CCNJL: variants seen among roughly 807,000 people sequenced by gnomAD.
The protein encoded by CCNJL is cyclin J like, also known as cyclin-J-like protein.
A neutral mutation model predicts 33.4 loss-of-function variants in CCNJL; 33 were observed. That is an observed-to-expected ratio of 0.99 (90% CI 0.75 to 1.32). CCNJL has a LOEUF of 1.32. CCNJL is among the 40% of genes most tolerant of loss of function. The pLI is 0.00. For synonymous variants in CCNJL, 227 were observed against 220.9 expected (o/e 1.03, Z -0.24); for missense variants, 512 against 499.7 (o/e 1.02, Z -0.23).
chr5:160,253,424 T>C lies in CCNJL; in HGVS notation c.1118A>G (p.Tyr373Cys), dbSNP rs1580937189. ...HCLATTYGSS[Y>C]FSGSHMFPTG... ...GGGGAACATGTGGCTCCCACTGAAG[T>C]AGCTGCTTCCATAGGTGGTGGCGAG... Residue 373 changes from tyrosine (Y) to cysteine (C), a missense_variant, in exon 6 of 6, where the codon TAC becomes TGC. Coordinates refer to ENST00000257536, the MANE Select transcript of CCNJL (RefSeq NM_001308173.3). 6.2e-7 allele frequency: 1 copy of C among 1,605,394 alleles called. No individual in the cohort carries two copies. Among genetic ancestry groups the C allele is most frequent in the Non-Finnish European group, 8.5e-7 (1 of 1,174,448 alleles).
intron 2 of CCNJL, among the ~76,000 whole-genome samples, chr5:160,283,597 C>G (rs1257145077): frequency 6.6e-6 from 1 of 152,150 alleles, no homozygotes; most frequent in Admixed American, 6.5e-5. Context: ...GTATCCATCC[C>G]CGCAAGCATT....
At chr5:160,284,548 G>A (rs528183403) in intron 2 of CCNJL, among the ~76,000 whole-genome samples, 1 of 152,334 alleles carries the variant, frequency 6.6e-6, no homozygotes, top group Non-Finnish European at 1.5e-5. Context: ...TACTGCAAAA[G>A]AAAGCCACAG....
At chr5:160,301,359 C>A (rs543534886) in intron 2 of CCNJL, among the ~76,000 whole-genome samples, 1 of 152,006 alleles carries the variant, frequency 6.6e-6, no homozygotes, top group African/African-American at 2.4e-5. Context: ...GGACAAAAAG[C>A]ACATCAGTGA....
intron 1 of CCNJL, among the ~76,000 whole-genome samples, chr5:160,330,276 C>A (rs1277192065): frequency 6.6e-6 from 1 of 152,136 alleles, no homozygotes; most frequent in Non-Finnish European, 1.5e-5. Flanking sequence ...GGCTCCTCAC[C>A]AGACCAATAA....
intron 2 of CCNJL, among the ~76,000 whole-genome samples, chr5:160,309,695 C>T (rs374998179): frequency 6.6e-6 from 1 of 152,166 alleles, no homozygotes; most frequent in Admixed American, 6.5e-5. Context: ...TTTGAAGAAG[C>T]ATTTTCTTCT....
intron 3 of CCNJL, among the ~76,000 whole-genome samples, chr5:160,271,276 C>T (rs1270065984): frequency 6.6e-6 from 1 of 152,102 alleles, no homozygotes; most frequent in Non-Finnish European, 1.5e-5. Context: ...GGGTGGGCTG[C>T]TGCGATCAGG....
At chr5:160,303,692 C>CTG (rs1292597058) in intron 2 of CCNJL, among the ~76,000 whole-genome samples, 20 of 95,810 alleles carry the variant, frequency 2.1e-4, no homozygotes, top group Non-Finnish European at 2.7e-4. Context: ...AACAAATCCT[C>CTG]TGTGTGTCTG....
intron 2 of CCNJL, among the ~76,000 whole-genome samples, chr5:160,295,509 AAT>A (rs1188698810): frequency 2.0e-5 from 3 of 152,108 alleles, no homozygotes; most frequent in Admixed American, 6.6e-5. Flanking sequence ...TAAATAAGAA[AAT>A]AGAGTCTTTA....
intron 1 of CCNJL, among the ~76,000 whole-genome samples, chr5:160,323,234 C>CA (rs536222136): frequency 0.12 from 12,264 of 98,854 alleles, 587 homozygotes; most frequent in Middle Eastern, 0.2. Flanking sequence ...GACTCCAACT[C>CA]AAAAAAAAAA....
At chr5:160,254,044 G>A in intron 5 of CCNJL, 1 of 470,296 alleles carries the variant, frequency 2.1e-6, no homozygotes. Context: ...AGACTAGGCT[G>A]GCTGTCCCCA....
chr5:160,290,742 T>C (rs550611662), intron 2 of CCNJL, among the ~76,000 whole-genome samples: 3 of 152,206 alleles, frequency 2.0e-5, no homozygotes, highest in South Asian at 4.1e-4. Flanking sequence ...GTGACCCCAA[T>C]ACCTGATGCA....
intron 4 of CCNJL, among the ~76,000 whole-genome samples, chr5:160,257,121 T>C (rs372640005): frequency 3.2e-4 from 49 of 152,038 alleles, no homozygotes; most frequent in African/African-American, 1.1e-3. Context: ...TAGCTCTCAC[T>C]TGTAATCCCA....
At chr5:160,312,698 T>C (rs1233491672), upstream of CCNJL, 2 of 151,936 alleles carry the variant, frequency 1.3e-5, no homozygotes, top group African/African-American at 4.8e-5. Context: ...TGGCTCCGCT[T>C]CCTGCCCGCC....
chr5:160,298,936 T>A (rs1450076615), intron 2 of CCNJL, among the ~76,000 whole-genome samples: 1 of 152,094 alleles, frequency 6.6e-6, no homozygotes, highest in African/African-American at 2.4e-5. Flanking sequence ...AGGGGACCAT[T>A]GGAGAGTAAA....
chr5:160,278,913 G>T (rs991133907), intron 3 of CCNJL, among the ~76,000 whole-genome samples: 5 of 152,180 alleles, frequency 3.3e-5, no homozygotes, highest in Non-Finnish European at 5.9e-5. Flanking sequence ...GTTGATTTGG[G>T]GTGCTGAGAC....
intron 2 of CCNJL, among the ~76,000 whole-genome samples, chr5:160,288,786 G>A (rs542162280): frequency 1.4e-5 from 2 of 145,230 alleles, no homozygotes; most frequent in East Asian, 2.0e-4. Flanking sequence ...AATGGACATC[G>A]TGCCACTGCA....
intron 2 of CCNJL, among the ~76,000 whole-genome samples, chr5:160,307,773 G>A (rs1013706194): frequency 5.3e-5 from 8 of 152,248 alleles, no homozygotes; most frequent in African/African-American, 9.6e-5. Context: ...GGGGTCCTAG[G>A]TGGGCTTCTG....
At chr5:160,275,630 A>C (rs770801771) in intron 3 of CCNJL, among the ~76,000 whole-genome samples, 1 of 151,858 alleles carries the variant, frequency 6.6e-6, no homozygotes, top group Non-Finnish European at 1.5e-5. Context: ...GACTACAAGC[A>C]CGTGCCACCA....
At chr5:160,323,051 G>A (rs1474901957) in intron 1 of CCNJL, among the ~76,000 whole-genome samples, 1 of 152,030 alleles carries the variant, frequency 6.6e-6, no homozygotes, top group Non-Finnish European at 1.5e-5. Flanking sequence ...TGGCCAATAT[G>A]GTGAAACCCC....
Sources: gnomAD v4.1 joint callset for allele counts (sites outside exome capture counted in the v4.1 genomes callset) on GRCh38, gnomAD v4.1.1 for gene constraint, MANE v1.5 for transcripts, NCBI Gene and HGNC (gene_info 2026-07-23, HGNC 2026-07-21) for gene names.